The following TRAPPC9 variants were observed in gnomAD, a reference collection of about 807,000 sequenced individuals.
TRAPPC9 encodes the protein trafficking protein particle complex subunit 9, also known as IKK2 binding protein.
In TRAPPC9, 83 loss-of-function variants were observed where a neutral mutation model predicts 124.0. The ratio of observed to expected loss-of-function variants is 0.67; its 90% CI spans 0.56 to 0.80. The LOEUF (loss-of-function observed/expected upper bound fraction) is 0.80. Among genes scored for constraint, TRAPPC9 ranks in the 30% least tolerant of loss-of-function variants. The pLI, the probability that TRAPPC9 is intolerant of heterozygous loss-of-function variation, is 0.00. For missense variants in TRAPPC9, 1,302 were observed against 1,508.3 expected (o/e 0.86, Z 2.27); for synonymous variants, 638 against 617.5 (o/e 1.03, Z -0.49).
At chr8:140,254,423 A>G (rs2064201039) in intron 15 of TRAPPC9, among the ~76,000 whole-genome samples, 1 of 152,102 alleles carries the variant, frequency 6.6e-6, no homozygotes, top group Non-Finnish European at 1.5e-5. Context: ...TGCAGCCCAC[A>G]TGGCCCTACG....
Position 139,729,997 on chromosome 8 carries a change from T to C in TRAPPC9, c.*1064A>G, listed in dbSNP as rs997636847. 6.6e-6 allele frequency among the ~76,000 whole-genome samples: 1 copy of C among 152,116 alleles called. No individual in the cohort carries two copies. Among genetic ancestry groups the C allele is most frequent in the African/African-American group, 2.4e-5 (1 of 41,442 alleles). ...CAGAACAGGACTCTTGTGGGTAGTG[T>C]AGACACACCCCAGCTCTGGCCCTCA... On this transcript the variant is annotated 3_prime_UTR_variant, in exon 23 of 23. Coordinates refer to ENST00000438773, the MANE Select transcript of TRAPPC9 (RefSeq NM_001160372.4).
chr8:139,766,315 T>G (rs1000507586), intron 21 of TRAPPC9, among the ~76,000 whole-genome samples: 1 of 152,160 alleles, frequency 6.6e-6, no homozygotes, highest in African/African-American at 2.4e-5. Flanking sequence ...TACTGGGGTC[T>G]GGCCATCCAC....
intron 16 of TRAPPC9, among the ~76,000 whole-genome samples, chr8:140,221,973 T>G (rs1475227278): frequency 1.3e-5 from 2 of 152,320 alleles, no homozygotes; most frequent in East Asian, 3.9e-4. Context: ...TGATGTGTCC[T>G]CCATAAGCAC....
At chr8:140,343,987 T>G (rs1005835134) in intron 9 of TRAPPC9, among the ~76,000 whole-genome samples, 6 of 151,838 alleles carry the variant, frequency 4.0e-5, no homozygotes, top group Non-Finnish European at 7.4e-5. Flanking sequence ...GGAACCAGCT[T>G]TAATCCTCAC....
chr8:140,125,798 A>T (rs1446271807), intron 17 of TRAPPC9, among the ~76,000 whole-genome samples: 1 of 151,500 alleles, frequency 6.6e-6, no homozygotes, highest in Non-Finnish European at 1.5e-5. Context: ...TCATGTCCAG[A>T]TCCTTGTTTG....
At chr8:139,856,342 G>A (rs1245651259) in intron 21 of TRAPPC9, among the ~76,000 whole-genome samples, 4 of 149,244 alleles carry the variant, frequency 2.7e-5, no homozygotes, top group East Asian at 2.0e-4. Flanking sequence ...AACCCTCTCC[G>A]GGGATTTTTT....
intron 17 of TRAPPC9, among the ~76,000 whole-genome samples, chr8:140,058,253 G>A (rs1842402510): frequency 6.6e-6 from 1 of 152,084 alleles, no homozygotes. Flanking sequence ...TGGGGGAGGA[G>A]GTTATAGACA....
At chr8:140,033,676 T>TTG (rs1563706875) in intron 17 of TRAPPC9, among the ~76,000 whole-genome samples, 1 of 105,768 alleles carries the variant, frequency 9.5e-6, no homozygotes, top group Non-Finnish European at 1.8e-5. Context: ...TTTTTTTTTT[T>TTG]TTTTTTTTTT....
intron 10 of TRAPPC9, among the ~76,000 whole-genome samples, chr8:140,310,586 A>G (rs1007189938): frequency 1.3e-5 from 2 of 152,074 alleles, no homozygotes; most frequent in East Asian, 3.9e-4. Context: ...AAAGGTCTCC[A>G]CTCTAAAATC....
intron 9 of TRAPPC9, among the ~76,000 whole-genome samples, chr8:140,326,134 C>G (rs1025563786): frequency 6.6e-6 from 1 of 151,768 alleles, no homozygotes; most frequent in Admixed American, 6.6e-5. Context: ...TGCCTGTAAT[C>G]CCAGCACTTT....
intron 21 of TRAPPC9, among the ~76,000 whole-genome samples, chr8:139,844,904 C>T (rs1463517394): frequency 6.6e-6 from 1 of 152,212 alleles, no homozygotes; most frequent in Non-Finnish European, 1.5e-5. Flanking sequence ...AGGCCTCAGC[C>T]ACCCCCATGC....
At chr8:139,851,381 T>C (rs954185672) in intron 21 of TRAPPC9, among the ~76,000 whole-genome samples, 7 of 152,190 alleles carry the variant, frequency 4.6e-5, no homozygotes. Flanking sequence ...AGATAGATGC[T>C]GACCACAGAT....
chr8:139,773,156 A>G (rs903192486), intron 21 of TRAPPC9, among the ~76,000 whole-genome samples: 1 of 152,198 alleles, frequency 6.6e-6, no homozygotes, highest in African/African-American at 2.4e-5. Context: ...ACGTGGCTGC[A>G]CCTACCCAGC....
intron 12 of TRAPPC9, among the ~76,000 whole-genome samples, chr8:140,288,898 T>C (rs1255641233): frequency 6.6e-6 from 1 of 152,156 alleles, no homozygotes; most frequent in Non-Finnish European, 1.5e-5. Context: ...TTTAGCGGGT[T>C]GGTTTTCTGC....
chr8:139,941,816 C>G (rs1833939105), intron 19 of TRAPPC9, among the ~76,000 whole-genome samples: 1 of 152,232 alleles, frequency 6.6e-6, no homozygotes, highest in Admixed American at 6.5e-5. Flanking sequence ...GGCTCAGTCT[C>G]TGGCCCACAT....
At position 140,353,781 on chromosome 8, in the gene TRAPPC9, A is replaced by G. The variant is rs2067656515; in HGVS notation, c.1495+6269T>C. ...AGCATAGTAGAAGGTGGGTTTAAAG[A>G]GACAGAAGACATCATTCATTCAGCC... is the stretch of plus-strand genomic sequence containing the variant. On this transcript the variant is annotated intron_variant, in intron 9 of 22. Coordinates refer to ENST00000438773, the MANE Select transcript of TRAPPC9 (RefSeq NM_001160372.4). This position sits in a 1 kb window ranked among gnomAD's most constrained non-coding sequence, Gnocchi z 4.2. Among the ~76,000 whole-genome samples, 1 of 152,228 alleles carries G rather than the reference A, an allele frequency of 6.6e-6. No homozygotes were observed. The highest frequency in any genetic ancestry group is 2.1e-4 in the South Asian group (1 of 4,830).
At chr8:140,232,824 G>C (rs1445766051) in intron 16 of TRAPPC9, among the ~76,000 whole-genome samples, 1 of 152,138 alleles carries the variant, frequency 6.6e-6, no homozygotes, top group Non-Finnish European at 1.5e-5. Flanking sequence ...ATAAAAATCA[G>C]GGAAACAAAA....
intron 18 of TRAPPC9, among the ~76,000 whole-genome samples, 191 bp downstream of exon 18, chr8:140,023,746 A>G (rs571820958): frequency 6.1e-4 from 92 of 151,888 alleles, no homozygotes; most frequent in African/African-American, 2.2e-3. Flanking sequence ...ACTTACGACC[A>G]CCTGAGAGGC....
chr8:140,020,681 T>C (rs921426210), intron 18 of TRAPPC9, among the ~76,000 whole-genome samples: 1 of 152,204 alleles, frequency 6.6e-6, no homozygotes, highest in African/African-American at 2.4e-5. Context: ...TTAAAAGAAT[T>C]GTCCAAGTTT....
Sources: allele counts gnomAD v4.1 joint callset (sites outside exome capture counted in the v4.1 genomes callset), GRCh38; gene constraint gnomAD v4.1.1; non-coding constraint Gnocchi (gnomAD v3.1); transcripts MANE v1.5; gene names NCBI Gene and HGNC (gene_info 2026-07-23, HGNC 2026-07-21).